The following JMJD1C variants were observed in gnomAD, a reference collection of about 807,000 sequenced individuals.
JMJD1C encodes the protein jumonji domain-containing protein 1C.
Under a neutral mutation model 245.3 loss-of-function variants are expected in JMJD1C, and 31 were observed. That is an observed-to-expected ratio of 0.13 (90% CI 0.09 to 0.17). The LOEUF is 0.17. Ranked by LOEUF, JMJD1C falls within the 10% of genes least tolerant of loss-of-function variation. The probability of loss-of-function intolerance (pLI) is 1.00; values close to 1 mark genes in which losing one functional copy is unlikely to be tolerated. For missense variants in JMJD1C, 2,691 were observed against 3,000.2 expected (o/e 0.90, Z 2.41); for synonymous variants, 1,057 against 1,017.4 (o/e 1.04, Z -0.74).
At chr10:63,221,987 G>C (rs1480229959) in intron 3 of JMJD1C, among the ~76,000 whole-genome samples, 1 of 152,198 alleles carries the variant, frequency 6.6e-6, no homozygotes, top group Non-Finnish European at 1.5e-5. Context: ...CTCCCAAAGT[G>C]TTGGTATTAC....
chr10:63,222,365 T>C, intron 3 of JMJD1C: 1 of 1,090,950 alleles, frequency 9.2e-7, no homozygotes. Flanking sequence ...TCATATGTTT[T>C]TCAGTACAGC....
intron 2 of JMJD1C, among the ~76,000 whole-genome samples, chr10:63,308,666 G>A (rs1471063753): frequency 9.2e-6 from 1 of 108,614 alleles, no homozygotes; most frequent in Non-Finnish European, 1.9e-5. Flanking sequence ...CTCCCAGAAA[G>A]AAGAATAAAA....
chr10:63,392,513 T>A (rs539977809), intron 1 of JMJD1C, among the ~76,000 whole-genome samples: 1 of 151,200 alleles, frequency 6.6e-6, no homozygotes, highest in Admixed American at 6.6e-5. Flanking sequence ...CTCAACAGTT[T>A]AAAAAAAAAT....
chr10:63,243,759 C>T (rs1052006138), intron 3 of JMJD1C, among the ~76,000 whole-genome samples: 1 of 152,086 alleles, frequency 6.6e-6, no homozygotes, highest in South Asian at 2.1e-4. Flanking sequence ...GAGATTATCA[C>T]CAATAACATC....
intron 1 of JMJD1C, among the ~76,000 whole-genome samples, chr10:63,510,746 A>AT (rs1280304318): frequency 3.9e-5 from 6 of 152,126 alleles, no homozygotes; most frequent in Non-Finnish European, 7.4e-5. Context: ...GTCTTTATTG[A>AT]TTTTTTGTCT....
intron 2 of JMJD1C, among the ~76,000 whole-genome samples, chr10:63,294,725 T>A (rs1859174039): frequency 6.6e-6 from 1 of 152,212 alleles, no homozygotes; most frequent in South Asian, 2.1e-4. Flanking sequence ...AAAAATAGTT[T>A]TAACTTGTTA....
In JMJD1C at chr10:63,427,574, T is replaced by C. The variant is rs1488271801; in HGVS notation, c.168+37921A>G. The C allele has an allele frequency of 1.8e-5, 25 of 1,405,292 alleles. No homozygotes were observed. The East Asian group carries it at 3.9e-4, about 22-fold the overall frequency. 87.1% of individuals were successfully genotyped at this position (1,405,292 alleles called of 1,614,324 possible). On this transcript the variant is annotated intron_variant, in intron 1 of 25. Coordinates refer to ENST00000399262, the MANE Select transcript of JMJD1C (RefSeq NM_032776.3). ...ATTGTGGACCCACAGAATCAGACCA[T>C]GACCACCTTCACCTGGAACATCAAC...
intron 12 of JMJD1C, among the ~76,000 whole-genome samples, chr10:63,197,903 G>C (rs1433595689): frequency 1.3e-5 from 2 of 152,174 alleles, no homozygotes; most frequent in Non-Finnish European, 2.9e-5. Flanking sequence ...TCAGATGTTG[G>C]CAACATATCC....
chr10:63,424,277 C>A (rs1193850712), intron 1 of JMJD1C, among the ~76,000 whole-genome samples: 1 of 150,716 alleles, frequency 6.6e-6, no homozygotes, highest in Non-Finnish European at 1.5e-5. Flanking sequence ...ATATTGCCCA[C>A]GCTGGTCTTG....
At chr10:63,450,436 G>C (rs540585337) in intron 1 of JMJD1C, among the ~76,000 whole-genome samples, 2 of 152,066 alleles carry the variant, frequency 1.3e-5, no homozygotes, top group South Asian at 2.1e-4. Flanking sequence ...CTGGGTAAAA[G>C]AGTGAGATCA....
At chr10:63,229,094 G>A (rs1030865852) in intron 3 of JMJD1C, among the ~76,000 whole-genome samples, 1 of 152,156 alleles carries the variant, frequency 6.6e-6, no homozygotes, top group Middle Eastern at 3.4e-3. Flanking sequence ...TTAAGGACAC[G>A]ATAGATTAAT....
intron 1 of JMJD1C, among the ~76,000 whole-genome samples, chr10:63,405,076 A>G (rs1949087735): frequency 1.3e-5 from 2 of 152,326 alleles, no homozygotes; most frequent in South Asian, 4.1e-4. Context: ...AATCCTTATA[A>G]AAATACTACC....
intron 1 of JMJD1C, among the ~76,000 whole-genome samples, chr10:63,394,705 T>G (rs1014766691): frequency 6.6e-6 from 1 of 152,020 alleles, no homozygotes. Flanking sequence ...TCAGTCAGGC[T>G]TGGTGGCGCA....
chr10:63,255,503 G>C (rs1489022395), intron 3 of JMJD1C, among the ~76,000 whole-genome samples: 3 of 152,160 alleles, frequency 2.0e-5, no homozygotes. Flanking sequence ...TATGTGACTT[G>C]AGTTCCTAAC....
chr10:63,339,961 G>A (rs57381469), intron 2 of JMJD1C, among the ~76,000 whole-genome samples: 3,668 of 152,268 alleles, frequency 0.024, 103 homozygotes, highest in African/African-American at 0.067. Context: ...TTGAGAGGCT[G>A]AGGCAGGAGA....
chr10:63,485,395 T>C (rs1589819497), intron 1 of JMJD1C, among the ~76,000 whole-genome samples: 1 of 152,134 alleles, frequency 6.6e-6, no homozygotes, highest in African/African-American at 2.4e-5. Context: ...TCTCCATTTC[T>C]ACCTCACAAG....
At position 63,214,131 on chromosome 10, in the gene JMJD1C, T is replaced by C; in HGVS notation, c.2036A>G (p.His679Arg). 1.9e-6 allele frequency: 3 copies of C among 1,614,220 alleles called. No homozygotes were observed. The highest frequency in any genetic ancestry group is 2.2e-5 in the East Asian group (1 of 44,874). ...GERRLANKIE[H>R]ELSRCSFHPI... ...ATGAAAACTGCATCTTGATAGCTCA[T>C]GTTCTATCTTATTTGCCAATCTTCT... Residue 679 changes from histidine to arginine, a missense_variant, in exon 8 of 26, where the codon CAT (histidine) becomes CGT (arginine). Around this residue, in one of 9 missense-constraint regions of JMJD1C, gnomAD observed 1,562 missense variants for 1,490.7 expected, o/e 1.05. Coordinates refer to ENST00000399262, the MANE Select transcript of JMJD1C (RefSeq NM_032776.3).
chr10:63,254,469 A>G (rs530123676), intron 3 of JMJD1C, among the ~76,000 whole-genome samples: 1 of 152,348 alleles, frequency 6.6e-6, no homozygotes, highest in East Asian at 1.9e-4. Context: ...TGTAAATAGG[A>G]GACACTTCAC....
At chr10:63,392,711 G>C (rs1297116743) in intron 1 of JMJD1C, among the ~76,000 whole-genome samples, 1 of 150,932 alleles carries the variant, frequency 6.6e-6, no homozygotes, top group East Asian at 2.0e-4. Context: ...TGTAATCCCA[G>C]CTACTCGGGA....
Sources: gnomAD v4.1 joint callset for allele counts (sites outside exome capture counted in the v4.1 genomes callset) on GRCh38, gnomAD v4.1.1 for gene constraint, gnomAD v4.1.1 regional missense constraint, MANE v1.5 for transcripts, NCBI Gene and HGNC (gene_info 2026-07-23, HGNC 2026-07-21) for gene names.